MINDY3: variants seen among roughly 807,000 people sequenced by gnomAD.
The protein encoded by MINDY3 is MINDY lysine 48 deubiquitinase 3, also known as ubiquitin carboxyl-terminal hydrolase MINDY-3.
In MINDY3, 38 loss-of-function variants were observed where a neutral mutation model predicts 69.2. That is an observed-to-expected ratio of 0.55 (90% CI 0.42 to 0.72). The LOEUF (loss-of-function observed/expected upper bound fraction) is 0.72, where lower values mean the gene tolerates loss of function less well. Ranked by LOEUF, MINDY3 falls within the 30% of genes least tolerant of loss-of-function variation. MINDY3 has a pLI of 0.00. For synonymous variants in MINDY3, 192 were observed against 180.1 expected (o/e 1.07, Z -0.53); for missense variants, 522 against 519.0 (o/e 1.01, Z -0.06).
At chr10:15,854,081 T>A (rs1408854520) in intron 1 of MINDY3, among the ~76,000 whole-genome samples, 1 of 152,140 alleles carries the variant, frequency 6.6e-6, no homozygotes, top group Non-Finnish European at 1.5e-5. Flanking sequence ...TGTATACTGT[T>A]ATAAATTAAT....
chr10:15,779,795 T>C (rs1241424546), intron 14 of MINDY3, among the ~76,000 whole-genome samples: 2 of 152,188 alleles, frequency 1.3e-5, no homozygotes, highest in African/African-American at 2.4e-5. Flanking sequence ...AAGATCAAAC[T>C]AACCAGATAC....
chr10:15,822,857 T>A (rs1319745310), intron 8 of MINDY3, among the ~76,000 whole-genome samples: 1 of 152,130 alleles, frequency 6.6e-6, no homozygotes, highest in Non-Finnish European at 1.5e-5. Flanking sequence ...ATAAAGTCTT[T>A]TCATAAACGA....
chr10:15,809,198 A>C (rs1192318425), intron 10 of MINDY3, among the ~76,000 whole-genome samples: 1 of 152,184 alleles, frequency 6.6e-6, no homozygotes, highest in East Asian at 1.9e-4. Context: ...TAGGGAGAAA[A>C]TAGAGGACAA....
intron 6 of MINDY3, among the ~76,000 whole-genome samples, chr10:15,836,859 A>C (rs1344803935): frequency 2.0e-5 from 3 of 149,876 alleles, no homozygotes; most frequent in Non-Finnish European, 4.5e-5. Context: ...GTGATTTTTC[A>C]AAAAAAAAAT....
At chr10:15,818,092 G>C (rs1839496815) in intron 9 of MINDY3, 1 of 152,250 alleles carries the variant, frequency 6.6e-6, no homozygotes, top group African/African-American at 2.4e-5. Context: ...GGTGAGCTGT[G>C]CAAGTCCTTC....
chr10:15,806,318 C>T (rs571870610), intron 10 of MINDY3, among the ~76,000 whole-genome samples: 16 of 152,108 alleles, frequency 1.1e-4, no homozygotes, highest in Middle Eastern at 3.2e-3. Flanking sequence ...TCTCCACATA[C>T]GCAGACTTCA....
chr10:15,846,270 G>A (rs947261178), intron 2 of MINDY3, among the ~76,000 whole-genome samples: 7 of 152,138 alleles, frequency 4.6e-5, no homozygotes, highest in South Asian at 2.1e-4. Flanking sequence ...AACTCCTGTG[G>A]TATACCCTCC....
chr10:15,849,455 T>C (rs999934365), intron 1 of MINDY3, among the ~76,000 whole-genome samples: 11 of 151,850 alleles, frequency 7.2e-5, no homozygotes, highest in South Asian at 2.1e-4. Context: ...GGTTTTTTTT[T>C]TTTTTCTTTT....
At chr10:15,797,247 A>G (rs1240025485) in intron 10 of MINDY3, among the ~76,000 whole-genome samples, 3 of 152,270 alleles carry the variant, frequency 2.0e-5, no homozygotes, top group Middle Eastern at 3.4e-3. Flanking sequence ...TGGGAACTAA[A>G]ACAAGGCAAC....
At chr10:15,816,267 AAAAAAAAAAAAAATGAAAAAG>A (rs1013026105) in intron 10 of MINDY3, among the ~76,000 whole-genome samples, 1 of 141,164 alleles carries the variant, frequency 7.1e-6, no homozygotes, top group African/African-American at 3.1e-5. Flanking sequence ...TCTCAAAAAA[AAAAAAAAAAAAAATGAAAAAG>A]AAAAAAAATA....
intron 11 of MINDY3, among the ~76,000 whole-genome samples, chr10:15,793,362 G>A (rs1837565335): frequency 1.3e-5 from 2 of 152,030 alleles, no homozygotes; most frequent in Non-Finnish European, 2.9e-5. Flanking sequence ...CCCACAGAAA[G>A]TACAATTTTG....
At position 15,842,193 on chromosome 10, in the gene MINDY3, C is replaced by T. The variant is rs183352312; in HGVS notation, c.236-594G>A. Among the ~76,000 whole-genome samples, 4 of 151,924 alleles carry T rather than the reference C, an allele frequency of 2.6e-5. No individual in the cohort carries two copies. The East Asian group carries it at 7.7e-4, about 29-fold the overall frequency. ...CATCTCTTTATGAACCTTAGCCACACTCTTTTCAAGCAGTATTACTCTCAA... is the reference window on the plus strand; with the variant it reads ...CATCTCTTTATGAACCTTAGCCACATTCTTTTCAAGCAGTATTACTCTCAA... On this transcript the variant is annotated intron_variant, in intron 3 of 14. Transcript: ENST00000277632.
At chr10:15,803,887 C>T (rs1838439948) in intron 10 of MINDY3, among the ~76,000 whole-genome samples, 1 of 152,062 alleles carries the variant, frequency 6.6e-6, no homozygotes, top group Non-Finnish European at 1.5e-5. Flanking sequence ...CCAAGGTCAG[C>T]AAATACACTT....
At chr10:15,816,260 C>CA (rs1164005904) in intron 10 of MINDY3, among the ~76,000 whole-genome samples, 900 of 25,850 alleles carry the variant, frequency 0.035, 19 homozygotes, top group African/African-American at 0.073. Context: ...GACTCCATCT[C>CA]AAAAAAAAAA....
rs773126235 is a variant in MINDY3, at chr10:15,778,945, C to G, written c.*47G>C. ...AGCCAATTGCCAGTCTTGACTCCTTCTTTCAACATCTGTTATTAAGATCTT... is the reference window on the plus strand; with the variant it reads ...AGCCAATTGCCAGTCTTGACTCCTTGTTTCAACATCTGTTATTAAGATCTT... On this transcript the variant is annotated 3_prime_UTR_variant, in exon 15 of 15. Coordinates refer to ENST00000277632, the MANE Select transcript of MINDY3 (RefSeq NM_024948.4). The G allele has an allele frequency of 3.8e-6, 6 of 1,561,906 alleles. No individual in the cohort carries two copies. The African/African-American group carries it at 5.4e-5, about 14-fold the overall frequency.
chr10:15,828,879 A>T (rs1190739181), intron 8 of MINDY3, among the ~76,000 whole-genome samples: 1 of 152,198 alleles, frequency 6.6e-6, no homozygotes, highest in Admixed American at 6.5e-5. Flanking sequence ...AAGAAAAATT[A>T]CAATTAAATA....
chr10:15,847,966 A>C (rs1833970000), intron 1 of MINDY3, 23 bp from the exon 2 acceptor site: 1 of 1,578,420 alleles, frequency 6.3e-7, no homozygotes, highest in Non-Finnish European at 8.7e-7. Flanking sequence ...GCAAGTAGGA[A>C]AGATTAAAAA....
In MINDY3 at chr10:15,778,969, T is replaced by G; in HGVS notation, c.*23A>C. On this transcript the variant is annotated 3_prime_UTR_variant, in exon 15 of 15. Coordinates refer to ENST00000277632, the MANE Select transcript of MINDY3 (RefSeq NM_024948.4). Reference sequence around the variant, plus strand: ...TCTTTCAACATCTGTTATTAAGATCTTCCTTATAAATACTTAGACAAATTA... The same window carrying G: ...TCTTTCAACATCTGTTATTAAGATCGTCCTTATAAATACTTAGACAAATTA... The G allele has an allele frequency of 6.2e-7, 1 of 1,602,700 alleles. No homozygotes were observed. Among genetic ancestry groups the G allele is most frequent in the Non-Finnish European group, 8.5e-7 (1 of 1,172,616 alleles).
chr10:15,783,955 G>A (rs1188068809), intron 13 of MINDY3, among the ~76,000 whole-genome samples: 2 of 152,172 alleles, frequency 1.3e-5, no homozygotes, highest in African/African-American at 4.8e-5. Flanking sequence ...CTGGTAAAGT[G>A]CATAGACTCT....
Sources: allele counts gnomAD v4.1 joint callset (sites outside exome capture counted in the v4.1 genomes callset), GRCh38; gene constraint gnomAD v4.1.1; transcripts MANE v1.5; gene names NCBI Gene and HGNC (gene_info 2026-07-23, HGNC 2026-07-21).